The following FEZ1 variants were observed in gnomAD, a reference collection of about 807,000 sequenced individuals.
The protein encoded by FEZ1 is fasciculation and elongation protein zeta-1.
Under a neutral mutation model 49.3 loss-of-function variants are expected in FEZ1, and 20 were observed. The observed-to-expected ratio is 0.41, with a 90% confidence interval of 0.29 to 0.59. The LOEUF (loss-of-function observed/expected upper bound fraction) is 0.59. FEZ1 is among the 20% of genes least tolerant of loss of function. The probability of loss-of-function intolerance (pLI) is 0.36; values close to 1 mark genes in which losing one functional copy is unlikely to be tolerated. For synonymous variants in FEZ1, 170 were observed against 180.9 expected, an observed-to-expected ratio of 0.94 and a Z score of 0.48; for missense variants, 413 against 476.0, an observed-to-expected ratio of 0.87 and a Z score of 1.23.
chr11:125,466,177 G>C (rs908774342), intron 3 of FEZ1, among the ~76,000 whole-genome samples: 3 of 152,068 alleles, frequency 2.0e-5, no homozygotes, highest in African/African-American at 7.2e-5. Flanking sequence ...GAATTTCTTT[G>C]TCAGCTAAAA....
At chr11:125,488,981 G>T (rs1957354655) in intron 2 of FEZ1, 1 of 985,402 alleles carries the variant, frequency 1.0e-6, no homozygotes. Context: ...CAGTTTAGAT[G>T]CTTTCTTATG....
At chr11:125,448,057 T>C (rs1278586796) in intron 9 of FEZ1, among the ~76,000 whole-genome samples, 1 of 152,200 alleles carries the variant, frequency 6.6e-6, no homozygotes, top group Non-Finnish European at 1.5e-5. Flanking sequence ...CATCAGTACC[T>C]GAGAGTGTAT....
intron 8 of FEZ1, among the ~76,000 whole-genome samples, chr11:125,451,680 A>T (rs1423272698): frequency 6.6e-6 from 1 of 152,196 alleles, no homozygotes; most frequent in Non-Finnish European, 1.5e-5. Flanking sequence ...GGCTAACACC[A>T]TGTGCCCCCC....
At chr11:125,461,627 G>C (rs78833283) in intron 4 of FEZ1, among the ~76,000 whole-genome samples, 316 of 152,238 alleles carry the variant, frequency 2.1e-3, no homozygotes, top group African/African-American at 7.4e-3. Context: ...ACAAAAAAAA[G>C]AGTGACTTAC....
chr11:125,454,976 T>C (rs1399988358), intron 6 of FEZ1, among the ~76,000 whole-genome samples: 1 of 143,148 alleles, frequency 7.0e-6, no homozygotes. Context: ...ATCGCACCAC[T>C]GCACTCCAGC....
At chr11:125,446,865 C>T (rs1026294070) in intron 9 of FEZ1, among the ~76,000 whole-genome samples, 7 of 151,720 alleles carry the variant, frequency 4.6e-5, no homozygotes, top group Non-Finnish European at 7.4e-5. Context: ...AATTGAGACG[C>T]GGTCTCACCA....
chr11:125,478,274 C>G (rs964525678), intron 3 of FEZ1, among the ~76,000 whole-genome samples: 9 of 152,154 alleles, frequency 5.9e-5, no homozygotes, highest in Admixed American at 2.0e-4. Context: ...GAAACCCCAT[C>G]TCTACAAAAA....
chr11:125,457,395 T>C (rs1213587024), intron 5 of FEZ1, among the ~76,000 whole-genome samples: 1 of 109,040 alleles, frequency 9.2e-6, no homozygotes, highest in Non-Finnish European at 1.8e-5. Context: ...GTGAAACTGT[T>C]TCTACTTTAA....
In FEZ1 at chr11:125,455,892, C is replaced by T. The variant is rs1275000037; in HGVS notation, c.882G>A (p.Glu294=). ...QRELMKKRRK[E]KGLSLQSSRI... ...GGCTGCTCTGCAGGCTCAGCCCTTTCTCTTTCCGCCTCTTTTTCATCAGTT... is the reference window on the plus strand; with the variant it reads ...GGCTGCTCTGCAGGCTCAGCCCTTTTTCTTTCCGCCTCTTTTTCATCAGTT... Residue 294 remains glutamate, a synonymous_variant, in exon 6 of 10, where the codon GAG becomes GAA. Coordinates refer to ENST00000278919, the MANE Select transcript of FEZ1 (RefSeq NM_005103.5). 7 of 1,613,834 alleles carry T rather than the reference C, an allele frequency of 4.3e-6. No individual in the cohort carries two copies. The highest frequency in any genetic ancestry group is 4.0e-5 in the African/African-American group (3 of 74,958).
intron 1 of FEZ1, among the ~76,000 whole-genome samples, chr11:125,493,362 A>AAAAGAAAGAAAGAAAG (rs555223569): frequency 5.4e-4 from 27 of 49,576 alleles, no homozygotes; most frequent in African/African-American, 9.7e-4. Context: ...AGAAAGAGAG[A>AAAAGAAAGAAAGAAAG]AAAGAAAGAA....
chr11:125,446,525 C>T (rs1209879551), intron 9 of FEZ1, among the ~76,000 whole-genome samples: 1 of 152,200 alleles, frequency 6.6e-6, no homozygotes, highest in Non-Finnish European at 1.5e-5. Context: ...GTCCAGCCCT[C>T]CGACTACCAA....
At chr11:125,493,417 A>AGAAAGAAG (rs1565306954) in intron 1 of FEZ1, among the ~76,000 whole-genome samples, 4 of 51,534 alleles carry the variant, frequency 7.8e-5, no homozygotes, top group Admixed American at 2.4e-4. Flanking sequence ...AAAGAAAGAA[A>AGAAAGAAG]GAAAGAAGGA....
At position 125,496,192 on chromosome 11, in the gene FEZ1, G is replaced by A. The variant is rs894091306; in HGVS notation, c.-117C>T. On this transcript the variant is annotated 5_prime_UTR_variant, in exon 1 of 10. Transcript: ENST00000278919. ...ACACCCCCATCCACGGGCCGCGGGA[G>A]CGGCCGGAGCGCAGCGCAGCGCAGC... 5 of 152,268 alleles carry A rather than the reference G, an allele frequency of 3.3e-5. No individual in the cohort carries two copies. Among genetic ancestry groups the A allele is most frequent in the South Asian group, 4.1e-4 (2 of 4,838 alleles). The allele number at this position is 152,268 out of a possible 1,614,324, so 9.4% of individuals were successfully genotyped here.
At chr11:125,468,131 ACT>A (rs944221827) in intron 3 of FEZ1, among the ~76,000 whole-genome samples, 10 of 152,002 alleles carry the variant, frequency 6.6e-5, no homozygotes, top group African/African-American at 2.4e-4. Context: ...TTACAATGAA[ACT>A]CTGAGTAGAG....
chr11:125,489,785 C>A lies in FEZ1; in HGVS notation c.-8G>T. On this transcript the variant is annotated 5_prime_UTR_variant, in exon 2 of 10. Coordinates refer to ENST00000278919, the MANE Select transcript of FEZ1 (RefSeq NM_005103.5). The surrounding 1 kb of genome is among the most constrained non-coding windows in gnomAD (Gnocchi z 4.2). Reference sequence around the variant, plus strand: ...CACCAGTGGGGCCTCCATTCTTGCTCAGCAGGAGAACAACAGCGACTTTCA... The same window carrying A: ...CACCAGTGGGGCCTCCATTCTTGCTAAGCAGGAGAACAACAGCGACTTTCA... 6.6e-7 allele frequency: 1 copy of A among 1,524,904 alleles called. No individual in the cohort carries two copies. The highest frequency in any genetic ancestry group is 8.8e-7 in the Non-Finnish European group (1 of 1,139,008). The allele number at this position is 1,524,904 out of a possible 1,614,324, so 94.5% of individuals were successfully genotyped here.
intron 4 of FEZ1, among the ~76,000 whole-genome samples, chr11:125,461,775 G>C (rs868844274): frequency 2.0e-5 from 3 of 152,224 alleles, no homozygotes; most frequent in Non-Finnish European, 4.4e-5. Context: ...TACTCTTTGA[G>C]GTGGTTTCTT....
Position 125,455,790 on chromosome 11 carries a change from T to C in FEZ1, c.939+45A>G, listed in dbSNP as rs1465906112. On this transcript the variant is annotated intron_variant, in intron 6 of 9. Coordinates refer to ENST00000278919, the MANE Select transcript of FEZ1 (RefSeq NM_005103.5). The stretch of plus-strand genomic sequence containing the variant: ...TGGTAGGGCACTGAAACGGGCAGGG[T>C]TGGAGGTTGGAGGCACCCAGTCTTC... 3.7e-6 allele frequency: 6 copies of C among 1,606,180 alleles called. No individual in the cohort carries two copies. The Admixed American group carries it at 6.7e-5, about 18-fold the overall frequency.
intron 2 of FEZ1, among the ~76,000 whole-genome samples, chr11:125,485,704 G>C (rs1276871132): frequency 2.0e-5 from 3 of 152,036 alleles, no homozygotes; most frequent in Non-Finnish European, 1.5e-5. Context: ...GGGAGGCTGA[G>C]GCGGGTGGAT....
chr11:125,465,000 G>A (rs1281556518), intron 3 of FEZ1, among the ~76,000 whole-genome samples: 1 of 152,188 alleles, frequency 6.6e-6, no homozygotes, highest in East Asian at 1.9e-4. Flanking sequence ...CTTCAGGCCA[G>A]AAAATCCTGC....
Sources: allele counts gnomAD v4.1 joint callset (sites outside exome capture counted in the v4.1 genomes callset), GRCh38; gene constraint gnomAD v4.1.1; non-coding constraint Gnocchi (gnomAD v3.1); transcripts MANE v1.5; gene names NCBI Gene and HGNC (gene_info 2026-07-23, HGNC 2026-07-21).